The following ZC3H7A variants were observed in gnomAD, a reference collection of about 807,000 sequenced individuals.
ZC3H7A encodes zinc finger CCCH domain-containing protein 7A.
Under a neutral mutation model 125.5 loss-of-function variants are expected in ZC3H7A, and 44 were observed. The observed-to-expected ratio is 0.35, with a 90% CI of 0.28 to 0.45. The LOEUF (loss-of-function observed/expected upper bound fraction) is 0.45, where lower values mean the gene tolerates loss of function less well. Among genes scored for constraint, ZC3H7A ranks in the 20% least tolerant of loss-of-function variants. ZC3H7A has a pLI of 1.00. For synonymous variants in ZC3H7A, 399 were observed against 391.2 expected (o/e 1.02, Z -0.23); for missense variants, 977 against 1,170.7 (o/e 0.83, Z 2.41).
At chr16:11,785,834 T>C (rs2053248858) in intron 1 of ZC3H7A, among the ~76,000 whole-genome samples, 1 of 152,204 alleles carries the variant, frequency 6.6e-6, no homozygotes, top group East Asian at 1.9e-4. Context: ...TTAGCCAGGA[T>C]GGTCTCGATC....
intron 19 of ZC3H7A, among the ~76,000 whole-genome samples, chr16:11,760,137 A>G (rs78061202): frequency 0.15 from 20,968 of 137,838 alleles, 1,740 homozygotes; most frequent in South Asian, 0.38. Context: ...AAAAAAAAAA[A>G]AAAAAAAAGA....
rs200793366 is a variant in ZC3H7A at position 11,764,967 on chromosome 16, CT to C, written c.1820+85del. The C allele has an allele frequency of 8.6e-4, 767 of 896,410 alleles. 7 individuals carry two copies. In the African/African-American group the frequency reaches 0.011, roughly 13 times the overall value. The allele number at this position is 896,410 out of a possible 1,614,324, so 55.5% of individuals were successfully genotyped here. On this transcript the variant is annotated intron_variant, in intron 15 of 22. Transcript: ENST00000355758. ...CAACATAACGATGAAAGGGCAATGC[CT>C]GGACAGACATTACTACTAGTTTTTA...
At chr16:11,790,079 C>CAAAAAA (rs150579733) in intron 1 of ZC3H7A, among the ~76,000 whole-genome samples, 20 of 73,506 alleles carry the variant, frequency 2.7e-4, no homozygotes, top group Non-Finnish European at 3.5e-4. Context: ...GACTCCATCT[C>CAAAAAA]AAAAAAAAAA....
At chr16:11,795,843 C>G (rs1410250180) in intron 1 of ZC3H7A, among the ~76,000 whole-genome samples, 4 of 152,170 alleles carry the variant, frequency 2.6e-5, no homozygotes, top group African/African-American at 9.7e-5. Context: ...GAGACAGTGT[C>G]CCAGGCTGGA....
At chr16:11,756,121 C>G (rs533578232) in intron 21 of ZC3H7A, 116 bp downstream of exon 21, 7 of 1,424,998 alleles carry the variant, frequency 4.9e-6, no homozygotes, top group Admixed American at 2.3e-5. Context: ...TGAAATCACA[C>G]CACTGCACTC....
intron 11 of ZC3H7A, 30 bp from the exon 12 acceptor site, chr16:11,768,531 A>AC (rs772522631): frequency 2.1e-6 from 3 of 1,446,138 alleles, no homozygotes; most frequent in Admixed American, 4.8e-5. Context: ...AAAAAAAAAA[A>AC]AAACAGCCAA....
At position 11,776,356 on chromosome 16, in the gene ZC3H7A, G is replaced by C; in HGVS notation, c.549C>G (p.Leu183=). Residue 183 remains leucine, a splice_region_variant and synonymous_variant, in exon 7 of 23, where the codon CTC becomes CTG. Transcript: ENST00000355758. The part of the protein sequence containing the change: ...KIRKAYVRAE[L]SLKSVPGDGA... ...CATCCCCAGGAACTGATTTTAATGA[G>C]AGCTGAAATAAAATAAAGACACTAA... 1 of 1,608,382 alleles carries C rather than the reference G, an allele frequency of 6.2e-7. No individual in the cohort carries two copies. The highest frequency in any genetic ancestry group is 1.1e-5 in the South Asian group (1 of 88,680).
rs2053171960 is a variant in ZC3H7A, at chr16:11,781,471, A to G, written c.69-7T>C. 6.2e-7 allele frequency: 1 copy of G among 1,602,572 alleles called. No individual in the cohort carries two copies. Among genetic ancestry groups the G allele is most frequent in the Admixed American group, 1.7e-5 (1 of 59,840 alleles). ...TGGATATGACAGCGGTGACCTAAGA[A>G]GAAGAAACAAATTAACTGTAATTAT... On this transcript the variant is annotated splice_polypyrimidine_tract_variant and splice_region_variant and intron_variant, in intron 2 of 22. Coordinates refer to ENST00000355758, the MANE Select transcript of ZC3H7A (RefSeq NM_014153.4).
chr16:11,751,501 A>C lies in ZC3H7A; in HGVS notation c.2732T>G (p.Met911Arg). The change falls in exon 23 of 23, where the codon ATG (methionine) becomes AGG (arginine). Residue 911 changes from methionine to arginine, a missense_variant. Physicochemically the swap from Met to Arg is moderately conservative, Grantham distance 91. Transcript: ENST00000355758. ...GTTTCCTTCTGGGCAGGTGCCATTC[A>C]TATACCTGTAAGGAGAAGTCAGCTG... ...TGYFSICDRY[M>R]NGTCPEGNSC... 1 of 1,613,536 alleles carries C rather than the reference A, an allele frequency of 6.2e-7. No homozygotes were observed. Among genetic ancestry groups the C allele is most frequent in the Admixed American group, 1.7e-5 (1 of 59,888 alleles).
intron 19 of ZC3H7A, chr16:11,759,722 C>T (rs2141164968): frequency 6.6e-6 from 1 of 152,438 alleles, no homozygotes; most frequent in Admixed American, 6.5e-5. Context: ...AATAACTTGA[C>T]TGGGGCCCTT....
In ZC3H7A at chr16:11,761,634, A is replaced by G. The variant is rs964829589; in HGVS notation, c.2214-123T>C. 1.6e-5 allele frequency: 16 copies of G among 994,056 alleles called. 1 individual carries two copies. The highest frequency in any genetic ancestry group is 1.5e-4 in the African/African-American group (9 of 61,764). The allele number at this position is 994,056 out of a possible 1,614,324, so 61.6% of individuals were successfully genotyped here. ...TTTTTTTCTCAATGCTTCTAAAAGA[A>G]ATACCTTATGATTCTGTATTTTCAC... On this transcript the variant is annotated intron_variant, in intron 18 of 22. Coordinates refer to ENST00000355758, the MANE Select transcript of ZC3H7A (RefSeq NM_014153.4).
chr16:11,784,852 C>T (rs1174103668), intron 1 of ZC3H7A, among the ~76,000 whole-genome samples: 2 of 123,418 alleles, frequency 1.6e-5, no homozygotes, highest in Non-Finnish European at 3.3e-5. Flanking sequence ...GACACTCCAT[C>T]TCAAAAAAAA....
intron 3 of ZC3H7A, among the ~76,000 whole-genome samples, chr16:11,781,171 G>C (rs563818799): frequency 6.6e-6 from 1 of 152,242 alleles, no homozygotes; most frequent in East Asian, 1.9e-4. Flanking sequence ...ACATGTTTTA[G>C]GCTCCATGGG....
At position 11,779,302 on chromosome 16, in the gene ZC3H7A, T is replaced by C. The variant is rs16958654; in HGVS notation, c.170A>G (p.His57Arg). 97,626 of 1,613,916 alleles carry C rather than the reference T, an allele frequency of 0.06. 3,368 individuals carry two copies. Among genetic ancestry groups the C allele is most frequent in the African/African-American group, 0.096 (7,231 of 75,016 alleles). The stretch of plus-strand genomic sequence containing the variant: ...CTGGCTTATCGAGTTGTTCCAATCA[T>C]GTTCCCGATAAACGTCATTTCCTTC... ...FNEGNDVYREHDWNNSISQYT... is the reference protein window; with the variant it reads ...FNEGNDVYRERDWNNSISQYT... Residue 57 changes from histidine to arginine, a missense_variant, in exon 4 of 23, where the codon CAT (histidine) becomes CGT (arginine). This residue lies in a region of ZC3H7A where 199 missense variants were observed against 256.1 expected (regional missense o/e 0.78). Coordinates refer to ENST00000355758, the MANE Select transcript of ZC3H7A (RefSeq NM_014153.4).
rs1268904137 is a variant in ZC3H7A, at chr16:11,779,434, T to TA, written c.109-72dup. ...TATGGTATAAGTAAATTTTAATTTT[T>TA]ATACCTAAAACTTCACAGGAAACAA... On this transcript the variant is annotated intron_variant, in intron 3 of 22. Transcript: ENST00000355758. 5.8e-6 allele frequency: 8 copies of TA among 1,380,442 alleles called. No individual in the cohort carries two copies. In the African/African-American group the frequency reaches 7.3e-5, roughly 13 times the overall value. 85.5% of individuals were successfully genotyped at this position (1,380,442 alleles called of 1,614,324 possible). A position where few individuals can be genotyped will look rare whatever the true frequency, so the allele number is the denominator to read the frequency against.
intron 1 of ZC3H7A, among the ~76,000 whole-genome samples, chr16:11,784,591 C>A (rs1044397889): frequency 1.3e-5 from 2 of 152,048 alleles, no homozygotes; most frequent in African/African-American, 4.8e-5. Flanking sequence ...CGCAGTGGCT[C>A]GCGCCTGTAA....
At chr16:11,791,517 C>G (rs147560836) in intron 1 of ZC3H7A, among the ~76,000 whole-genome samples, 121 of 152,338 alleles carry the variant, frequency 7.9e-4, no homozygotes, top group African/African-American at 2.7e-3. Context: ...TGCTACTTCT[C>G]ATGCTTCATT....
intron 10 of ZC3H7A, among the ~76,000 whole-genome samples, chr16:11,769,501 A>G (rs868658754): frequency 1.3e-5 from 2 of 151,726 alleles, no homozygotes; most frequent in Non-Finnish European, 1.5e-5. Flanking sequence ...TGAGGTCAGG[A>G]GTTTGAGACC....
At chr16:11,756,398 G>A in intron 20 of ZC3H7A, 28 bp from the exon 21 acceptor site, 1 of 1,605,850 alleles carries the variant, frequency 6.2e-7, no homozygotes, top group Non-Finnish European at 8.5e-7. Context: ...ACTTTCAGCA[G>A]CAGCAACTAA....
Sources: gnomAD v4.1 joint callset for allele counts (sites outside exome capture counted in the v4.1 genomes callset) on GRCh38, gnomAD v4.1.1 for gene constraint, gnomAD v4.1.1 regional missense constraint, MANE v1.5 for transcripts, NCBI Gene and HGNC (gene_info 2026-07-23, HGNC 2026-07-21) for gene names.